Variants in TSC2 observed in about 807,000 individuals in gnomAD.
TSC2 encodes tuberin.
A neutral mutation model predicts 202.2 loss-of-function variants in TSC2; 29 were observed. The observed-to-expected ratio is 0.14, with a 90% CI of 0.11 to 0.20. TSC2 has a LOEUF of 0.20. Among genes scored for constraint, TSC2 ranks in the 10% least tolerant of loss-of-function variants. The probability of loss-of-function intolerance (pLI) is 1.00; values close to 1 mark genes in which losing one functional copy is unlikely to be tolerated. For missense variants in TSC2, 2,429 were observed against 2,420.0 expected (o/e 1.00, Z -0.08); for synonymous variants, 1,349 against 1,044.0 (o/e 1.29, Z -5.63).
Position 2,085,378 on chromosome 16 carries a change from G to A in TSC2, c.4662+56G>A, listed in dbSNP as rs1035129708. 1.9e-6 allele frequency: 3 copies of A among 1,584,886 alleles called. No individual in the cohort carries two copies. In the African/African-American group the frequency reaches 4.0e-5, roughly 21 times the overall value. ...GACAGGGCCAGCTGGGCCTCAGCCT[G>A]CAGTGGGTAGGGAGTCTGGGCCCCC... On this transcript the variant is annotated intron_variant, in intron 36 of 41. Transcript: ENST00000219476.
At chr16:2,072,639 C>T (rs555707964) in intron 20 of TSC2, 243 of 842,930 alleles carry the variant, frequency 2.9e-4, no homozygotes, top group Middle Eastern at 3.6e-4. Flanking sequence ...GTGGGGCTCC[C>T]GTGCCGTTCA....
rs749670994 is a variant in TSC2, at chr16:2,084,205, C to T, written c.4006-23C>T. On this transcript the variant is annotated intron_variant, in intron 33 of 41. Transcript: ENST00000219476. Reference sequence around the variant, plus strand: ...TCGAGGGTGCCTGCTGACAGGGGTTCTCTTTGGGATGGTCCTTTCTAGTCG... The same window carrying T: ...TCGAGGGTGCCTGCTGACAGGGGTTTTCTTTGGGATGGTCCTTTCTAGTCG... 4.0e-5 allele frequency: 62 copies of T among 1,563,208 alleles called. No individual in the cohort carries two copies. The South Asian group carries it at 5.5e-4, about 14-fold the overall frequency.
In TSC2 at chr16:2,084,644, A is replaced by C. The variant is rs754169255; in HGVS notation, c.4422A>C (p.Arg1474Ser). Residue 1474 changes from arginine (R) to serine (S), a missense_variant, in exon 34 of 42, where the codon AGA (arginine) becomes AGC (serine). By Grantham distance (110) the Arg-to-Ser change is moderately radical (BLOSUM62 -1). Transcript: ENST00000219476. ...CGGCCCCATCACGCAGGGGCAAGAG[A>C]GTAGAGAGGGACGCCTTAAAGAGCA... ...SDSAPSRRGK[R>S]VERDALKSRA... The C allele has an allele frequency of 6.3e-7, 1 of 1,599,734 alleles. No individual in the cohort carries two copies.
At chr16:2,073,375 C>G (rs925554788) in intron 21 of TSC2, among the ~76,000 whole-genome samples, 3 of 152,230 alleles carry the variant, frequency 2.0e-5, no homozygotes, top group Non-Finnish European at 4.4e-5. Flanking sequence ...CATCAGGTGC[C>G]GGAAACTGTC....
In TSC2 at chr16:2,074,102, C is replaced by T. The variant is rs181821677; in HGVS notation, c.2356-98C>T. On this transcript the variant is annotated intron_variant, in intron 21 of 41. Transcript: ENST00000219476. ...AGGCATTCAGGGACTTGCTAAGCCT[C>T]GGCTGTTCTCCCGGTGGAGCACTCG... 192 of 1,506,750 alleles carry T rather than the reference C, an allele frequency of 1.3e-4. No individual in the cohort carries two copies. In the African/African-American group the frequency reaches 2.1e-3, roughly 17 times the overall value. The allele number at this position is 1,506,750 out of a possible 1,614,324, so 93.3% of individuals were successfully genotyped here.
Position 2,061,916 on chromosome 16 carries a change from A to G in TSC2, c.1165A>G (p.Thr389Ala). 6.2e-7 allele frequency: 1 copy of G among 1,614,140 alleles called. No individual in the cohort carries two copies. Among genetic ancestry groups the G allele is most frequent in the African/African-American group, 1.3e-5 (1 of 75,036 alleles). The change falls in exon 12 of 42, where the codon ACC (threonine) becomes GCC (alanine). Residue 389 changes from threonine (T) to alanine (A), a missense_variant. Thr to Ala is a moderately conservative substitution (Grantham distance 58, BLOSUM62 0). Transcript: ENST00000219476. ...ELRTIVHDLL[T>A]TVEELCDQNE... ...CAGGACCATCGTCCATGACCTGTTG[A>G]CCACGGTGGAGGAGCTGTGTGACCA...
At chr16:2,087,276 G>T in intron 38 of TSC2, 1 of 355,840 alleles carries the variant, frequency 2.8e-6, no homozygotes, top group Non-Finnish European at 5.5e-6. Context: ...GGGCTGGGTC[G>T]GCCAGTGTCA....
At chr16:2,064,992 C>T (rs1372852764) in intron 15 of TSC2, 4 of 194,446 alleles carry the variant, frequency 2.1e-5, no homozygotes, top group Admixed American at 1.1e-4. Context: ...CGGGCACCTG[C>T]AATCCCAGCT....
chr16:2,082,604 C>T, intron 32 of TSC2, 100 bp downstream of exon 32: 1 of 1,339,414 alleles, frequency 7.5e-7, no homozygotes, highest in Non-Finnish European at 1.1e-6. Context: ...GGTCCGTCTG[C>T]CTCCATTGCC....
chr16:2,062,641 G>C, intron 13 of TSC2, 41 bp downstream of exon 13: 1 of 1,564,348 alleles, frequency 6.4e-7, no homozygotes. Flanking sequence ...CCTGGAGCCT[G>C]GCCCTGTCTC....
chr16:2,079,509 A>G lies in TSC2; in HGVS notation c.3285-48A>G. On this transcript the variant is annotated intron_variant, in intron 28 of 41. Transcript: ENST00000219476. The surrounding 1 kb of genome is among the most constrained non-coding windows in gnomAD (Gnocchi z 4.6). ...GCCCAGGCCCACGTGGCACCCTCGT[A>G]CCAGCCTGGGGACTAAGTCCACCCT... 6.2e-7 allele frequency: 1 copy of G among 1,605,640 alleles called. No homozygotes were observed. The highest frequency in any genetic ancestry group is 8.5e-7 in the Non-Finnish European group (1 of 1,176,804).
intron 32 of TSC2, chr16:2,082,991 A>G (rs1455544322): frequency 2.5e-6 from 1 of 399,706 alleles, no homozygotes; most frequent in East Asian, 7.2e-5. Flanking sequence ...CCTGGTGGGG[A>G]GTGCTGTGAC....
chr16:2,089,359 G>A lies in TSC2; in HGVS notation c.*749G>A, dbSNP rs751313275. The A allele has an allele frequency of 2.2e-5, 8 of 356,294 alleles. No individual in the cohort carries two copies. Among genetic ancestry groups the A allele is most frequent in the East Asian group, 1.6e-4 (3 of 18,824 alleles). 22.1% of individuals were successfully genotyped at this position (356,294 alleles called of 1,614,324 possible). ...GGTAATAACTTAGGGGCAGGGTGGCGGCGGTGCAGGCTAACCCTCCCTGAA... is the reference window on the plus strand; with the variant it reads ...GGTAATAACTTAGGGGCAGGGTGGCAGCGGTGCAGGCTAACCCTCCCTGAA... On this transcript the variant is annotated 3_prime_UTR_variant, in exon 42 of 42. Coordinates refer to ENST00000219476, the MANE Select transcript of TSC2 (RefSeq NM_000548.5).
chr16:2,080,965 C>T (rs1024917328), intron 30 of TSC2: 2 of 172,436 alleles, frequency 1.2e-5, no homozygotes, highest in Admixed American at 5.4e-5. Context: ...TCAGAGGCCT[C>T]AATCCTTGGC....
chr16:2,084,199 G>C, intron 33 of TSC2, 29 bp from the exon 34 acceptor site: 1 of 1,558,566 alleles, frequency 6.4e-7, no homozygotes, highest in South Asian at 1.2e-5. Flanking sequence ...CCTGCTGACA[G>C]GGGTTCTCTT....
rs951740935 is a variant in TSC2 at position 2,077,224 on chromosome 16, G to A, written c.2838-374G>A. 3.9e-5 allele frequency among the ~76,000 whole-genome samples: 6 copies of A among 152,302 alleles called. No individual in the cohort carries two copies. In the South Asian group the frequency reaches 6.2e-4, roughly 16 times the overall value. On this transcript the variant is annotated intron_variant, in intron 25 of 41. Transcript: ENST00000219476. Reference sequence around the variant, plus strand: ...GCCTGGCCACTGAGGCCTCAGTGCCGCCTCGGTCAGAGCTGGGCGGTGCCT... The same window carrying A: ...GCCTGGCCACTGAGGCCTCAGTGCCACCTCGGTCAGAGCTGGGCGGTGCCT...
At chr16:2,071,711 G>A (rs1394141718) in intron 18 of TSC2, 73 bp from the exon 19 acceptor site, 5 of 1,596,052 alleles carry the variant, frequency 3.1e-6, no homozygotes, top group Non-Finnish European at 4.3e-6. Context: ...GATGTCCCAG[G>A]GTTGGGAAGA....
At chr16:2,061,669 C>G in intron 11 of TSC2, 2 of 801,458 alleles carry the variant, frequency 2.5e-6, no homozygotes, top group Non-Finnish European at 2.0e-6. Flanking sequence ...GTCAGGGTGG[C>G]CCCTGGAGAG....
intron 31 of TSC2, chr16:2,082,213 A>G (rs2090229506): frequency 6.6e-6 from 4 of 610,498 alleles, no homozygotes; most frequent in African/African-American, 1.8e-5. Flanking sequence ...GTGGCTGCAG[A>G]TGGCACTTAG....
Sources: gnomAD v4.1 joint callset for allele counts (sites outside exome capture counted in the v4.1 genomes callset) on GRCh38, gnomAD v4.1.1 for gene constraint, Gnocchi (gnomAD v3.1) non-coding constraint, MANE v1.5 for transcripts, NCBI Gene and HGNC (gene_info 2026-07-23, HGNC 2026-07-21) for gene names.